The following TPD52 variants were observed in gnomAD, a reference collection of about 807,000 sequenced individuals.
TPD52 encodes tumor protein D52.
TPD52 carries 17 observed loss-of-function variants against 31.3 expected under a neutral mutation model. The observed-to-expected ratio is 0.54, with a 90% CI of 0.37 to 0.82. TPD52 has a LOEUF of 0.82. TPD52 is among the 40% of genes least tolerant of loss of function. The pLI, the probability that TPD52 is intolerant of heterozygous loss-of-function variation, is 0.00. For missense variants in TPD52, 212 were observed against 240.1 expected (o/e 0.88, Z 0.77); for synonymous variants, 83 against 89.6 (o/e 0.93, Z 0.42).
At chr8:80,042,849 A>G (rs1422099221) in intron 6 of TPD52, 181 bp from the exon 7 acceptor site, 1 of 514,322 alleles carries the variant, frequency 1.9e-6, no homozygotes, top group Non-Finnish European at 3.3e-6. Flanking sequence ...TCAATTTCTG[A>G]TCTAATATTT....
intron 1 of TPD52, among the ~76,000 whole-genome samples, chr8:80,161,031 C>T (rs1357277161): frequency 6.6e-6 from 1 of 151,908 alleles, no homozygotes; most frequent in Non-Finnish European, 1.5e-5. Flanking sequence ...CACTCCACTG[C>T]ACTCCAGCCT....
chr8:80,168,322 A>T (rs546744629), intron 1 of TPD52, among the ~76,000 whole-genome samples: 4 of 152,346 alleles, frequency 2.6e-5, no homozygotes, highest in African/African-American at 9.6e-5. Flanking sequence ...ATAACTTCAC[A>T]TAAGAAGGTT....
intron 1 of TPD52, among the ~76,000 whole-genome samples, chr8:80,072,796 C>CATAT (rs1465964502): frequency 8.4e-5 from 12 of 142,266 alleles, no homozygotes; most frequent in African/African-American, 3.6e-4. Flanking sequence ...CACACACACA[C>CATAT]ACATATATAT....
chr8:80,042,851 C>A (rs571371974), intron 6 of TPD52, 183 bp from the exon 7 acceptor site: 2 of 510,688 alleles, frequency 3.9e-6, no homozygotes, highest in Admixed American at 7.1e-5. Context: ...AATTTCTGAT[C>A]TAATATTTTA....
chr8:80,064,565 C>T lies in TPD52; in HGVS notation c.48G>A (p.Glu16=), dbSNP rs754394019. 1.9e-6 allele frequency: 3 copies of T among 1,614,026 alleles called. No homozygotes were observed. Among genetic ancestry groups the T allele is most frequent in the African/African-American group, 2.7e-5 (2 of 74,922 alleles). ...TCGTGGCAGCAACATCTTCTCCTTCCTCAGGGACTGGGTCTGTTCTCAGCA... is the reference window on the plus strand; with the variant it reads ...TCGTGGCAGCAACATCTTCTCCTTCTTCAGGGACTGGGTCTGTTCTCAGCA... ...QGLLRTDPVP[E]EGEDVAATIS... is the part of the protein sequence containing the mutation. Residue 16 remains glutamate, a synonymous_variant, in exon 2 of 8, where the codon GAG becomes GAA. Coordinates refer to ENST00000518937, the MANE Select transcript of TPD52 (RefSeq NM_001025253.3).
chr8:80,144,770 T>C (rs1486782737), intron 1 of TPD52, among the ~76,000 whole-genome samples: 1 of 152,138 alleles, frequency 6.6e-6, no homozygotes, highest in Non-Finnish European at 1.5e-5. Flanking sequence ...TGACATGGCT[T>C]TTTGTGTGCA....
intron 1 of TPD52, among the ~76,000 whole-genome samples, chr8:80,098,886 C>A (rs1193390855): frequency 6.6e-6 from 1 of 152,162 alleles, no homozygotes; most frequent in Non-Finnish European, 1.5e-5. Context: ...CAGCTACCTC[C>A]CTGATCAGTC....
intron 2 of TPD52, among the ~76,000 whole-genome samples, chr8:80,062,971 C>A (rs1463201961): frequency 6.6e-6 from 1 of 151,208 alleles, no homozygotes; most frequent in Non-Finnish European, 1.5e-5. Flanking sequence ...GACCTTGTAT[C>A]TTAAAAAAAA....
chr8:80,157,779 T>C (rs2131235629), intron 1 of TPD52, among the ~76,000 whole-genome samples: 1 of 152,374 alleles, frequency 6.6e-6, no homozygotes, highest in South Asian at 2.1e-4. Flanking sequence ...ACTTTCATTC[T>C]GCAAATATTT....
chr8:80,057,357 T>C (rs535549019), intron 2 of TPD52, among the ~76,000 whole-genome samples: 8 of 152,262 alleles, frequency 5.3e-5, no homozygotes, highest in East Asian at 1.9e-4. Context: ...GGTATAGAAA[T>C]TGTTCTACCA....
intron 1 of TPD52, among the ~76,000 whole-genome samples, chr8:80,120,962 G>C (rs1808219328): frequency 1.3e-5 from 2 of 151,710 alleles, no homozygotes; most frequent in South Asian, 4.2e-4. Context: ...TGTGCCTGTA[G>C]TCCCAGCTGC....
intron 1 of TPD52, among the ~76,000 whole-genome samples, chr8:80,143,928 T>C (rs1563658443): frequency 6.9e-6 from 1 of 144,378 alleles, no homozygotes; most frequent in Non-Finnish European, 1.5e-5. Flanking sequence ...AATTAACATT[T>C]TAAACAATCA....
At chr8:80,165,591 C>G (rs1586432363) in intron 1 of TPD52, among the ~76,000 whole-genome samples, 1 of 152,190 alleles carries the variant, frequency 6.6e-6, no homozygotes, top group Non-Finnish European at 1.5e-5. Flanking sequence ...GATGTCCTCC[C>G]TCTACCAGGA....
rs548085511 is a variant in TPD52 at position 80,113,287 on chromosome 8, T to A, written c.20-48694A>T. 2.9e-4 allele frequency among the ~76,000 whole-genome samples: 43 copies of A among 147,682 alleles called. No individual in the cohort carries two copies. The South Asian group carries it at 8.3e-3, about 28-fold the overall frequency. ...CAAAAAGAAAAAAAAAAAAAACAAG[T>A]GCTGGCAATGATGCAGAGAAAAGGG... On this transcript the variant is annotated intron_variant, in intron 1 of 7. Coordinates refer to ENST00000518937, the MANE Select transcript of TPD52 (RefSeq NM_001025253.3).
intron 1 of TPD52, chr8:80,067,302 C>A (rs1338017171): frequency 6.6e-6 from 1 of 152,132 alleles, no homozygotes; most frequent in African/African-American, 2.4e-5. Context: ...TCTGCTCTTT[C>A]CACATTAGCC....
intron 1 of TPD52, among the ~76,000 whole-genome samples, chr8:80,117,724 T>C (rs1807963272): frequency 7.5e-6 from 1 of 133,452 alleles, no homozygotes; most frequent in South Asian, 2.3e-4. Flanking sequence ...TGCTTTCTTT[T>C]TTTTTCTTTC....
At chr8:80,046,291 AAC>A (rs1384200295) in intron 5 of TPD52, among the ~76,000 whole-genome samples, 1 of 152,372 alleles carries the variant, frequency 6.6e-6, no homozygotes. Flanking sequence ...AAAATCAGTT[AAC>A]AGAGTCAAAG....
At chr8:80,169,715 G>A (rs921721933) in intron 1 of TPD52, among the ~76,000 whole-genome samples, 3 of 152,142 alleles carry the variant, frequency 2.0e-5, no homozygotes, top group Non-Finnish European at 2.9e-5. Context: ...CACGTTTGTC[G>A]TCATGTCTCC....
intron 7 of TPD52, chr8:80,042,309 TA>T: frequency 1.0e-6 from 1 of 985,460 alleles, no homozygotes; most frequent in Non-Finnish European, 1.2e-6. Flanking sequence ...AAAGTTATAT[TA>T]AATTTTGTCC....
Sources: gnomAD v4.1 joint callset for allele counts (sites outside exome capture counted in the v4.1 genomes callset) on GRCh38, gnomAD v4.1.1 for gene constraint, MANE v1.5 for transcripts, NCBI Gene and HGNC (gene_info 2026-07-23, HGNC 2026-07-21) for gene names.